Variants in PLCH1 observed in about 807,000 individuals in gnomAD.
PLCH1 encodes 1-phosphatidylinositol 4,5-bisphosphate phosphodiesterase eta-1.
In PLCH1, 60 loss-of-function variants were observed where a neutral mutation model predicts 126.7. That is an observed-to-expected ratio of 0.47 (90% CI 0.38 to 0.59). PLCH1 has a LOEUF of 0.59. Ranked by LOEUF, PLCH1 falls within the 20% of genes least tolerant of loss-of-function variation. PLCH1 has a pLI of 0.00. For missense variants in PLCH1, 1,723 were observed against 2,040.0 expected, an observed-to-expected ratio of 0.84 and a Z score of 2.99; for synonymous variants, 719 against 734.9, an observed-to-expected ratio of 0.98 and a Z score of 0.35.
chr3:155,533,099 A>G (rs1184331030), intron 10 of PLCH1, among the ~76,000 whole-genome samples: 2 of 152,372 alleles, frequency 1.3e-5, no homozygotes, highest in African/African-American at 4.8e-5. Context: ...CAGTCTTGCT[A>G]TGCTTTAGCA....
intron 2 of PLCH1, among the ~76,000 whole-genome samples, chr3:155,698,998 T>C (rs1221431951): frequency 6.6e-6 from 1 of 151,936 alleles, no homozygotes; most frequent in Non-Finnish European, 1.5e-5. Flanking sequence ...TTTTTTTTTT[T>C]TTTAACTCTT....
chr3:155,493,629 G>A (rs143209918), intron 17 of PLCH1, among the ~76,000 whole-genome samples: 2,193 of 152,196 alleles, frequency 0.014, 54 homozygotes, highest in African/African-American at 0.05. Context: ...CAGGTGATCC[G>A]CCCACCTTGA....
In PLCH1 at chr3:155,479,947, A is replaced by AT. The variant is rs1284498421; in HGVS notation, c.*1020_*1021insA. On this transcript the variant is annotated 3_prime_UTR_variant, in exon 23 of 23. Transcript: ENST00000460012. Reference sequence around the variant, plus strand: ...GAAGAACATCATTGCAGTTAATGTTACAAAAAAAAAAAACAAAGAGGGACA... The same window carrying AT: ...GAAGAACATCATTGCAGTTAATGTTATCAAAAAAAAAAAACAAAGAGGGACA... The AT allele has an allele frequency of 2.7e-5, 4 of 149,042 alleles. No homozygotes were observed. The highest frequency in any genetic ancestry group is 9.8e-5 in the African/African-American group (4 of 40,690). The allele number at this position is 149,042 out of a possible 1,614,324, so 9.2% of individuals were successfully genotyped here.
intron 1 of PLCH1, among the ~76,000 whole-genome samples, chr3:155,741,242 T>G (rs1034930193): frequency 6.6e-6 from 1 of 152,214 alleles, no homozygotes; most frequent in Non-Finnish European, 1.5e-5. Context: ...ATGATTTTCC[T>G]TGTGACCAAA....
At chr3:155,521,973 C>T (rs1560105595) in intron 11 of PLCH1, among the ~76,000 whole-genome samples, 1 of 152,180 alleles carries the variant, frequency 6.6e-6, no homozygotes, top group Non-Finnish European at 1.5e-5. Context: ...TTCCAGAAAT[C>T]AACTACTCTT....
chr3:155,703,233 A>C (rs1364626308), intron 2 of PLCH1, among the ~76,000 whole-genome samples: 3 of 152,238 alleles, frequency 2.0e-5, no homozygotes, highest in Non-Finnish European at 4.4e-5. Context: ...AATAAACATT[A>C]AGTCTGTCAT....
intron 2 of PLCH1, among the ~76,000 whole-genome samples, chr3:155,639,009 A>G (rs574776077): frequency 1.3e-5 from 2 of 152,342 alleles, no homozygotes; most frequent in East Asian, 1.9e-4. Context: ...TATACTATAT[A>G]TAATTATATT....
intron 2 of PLCH1, among the ~76,000 whole-genome samples, chr3:155,606,261 T>C (rs534443350): frequency 5.9e-5 from 9 of 152,158 alleles, no homozygotes; most frequent in Non-Finnish European, 1.0e-4. Context: ...GGACCTAAGG[T>C]AATTTCTGAC....
intron 2 of PLCH1, among the ~76,000 whole-genome samples, chr3:155,680,051 G>A (rs1353983091): frequency 6.6e-6 from 1 of 152,012 alleles, no homozygotes; most frequent in Admixed American, 6.6e-5. Context: ...AGTGTCTCTG[G>A]CATAGAAACA....
chr3:155,716,163 T>A (rs898373794), intron 1 of PLCH1, among the ~76,000 whole-genome samples: 1 of 152,234 alleles, frequency 6.6e-6, no homozygotes, highest in Non-Finnish European at 1.5e-5. Flanking sequence ...CATAGTAATC[T>A]TTTGGTTATA....
chr3:155,567,488 G>A (rs1728675008), intron 7 of PLCH1, among the ~76,000 whole-genome samples: 1 of 152,118 alleles, frequency 6.6e-6, no homozygotes, highest in Non-Finnish European at 1.5e-5. Flanking sequence ...AGAAATGAGG[G>A]GGCCAACGGT....
At chr3:155,504,730 C>T in intron 12 of PLCH1, 104 bp from the exon 13 acceptor site, 1 of 716,146 alleles carries the variant, frequency 1.4e-6, no homozygotes. Context: ...CTTCTGTTTG[C>T]CTCTAGGTGA....
At chr3:155,743,134 C>G (rs1307035301) in intron 1 of PLCH1, 1 of 334,548 alleles carries the variant, frequency 3.0e-6, no homozygotes, top group Admixed American at 4.4e-5. Context: ...TTCTACATAC[C>G]CCTTAAGATG....
chr3:155,578,642 A>C (rs973809253), intron 6 of PLCH1, among the ~76,000 whole-genome samples: 1 of 152,208 alleles, frequency 6.6e-6, no homozygotes, highest in Admixed American at 6.5e-5. Flanking sequence ...TGGAACAAAG[A>C]CCAAATGTAT....
chr3:155,452,505 T>A (rs78213548), intron 21 of PLCH1, among the ~76,000 whole-genome samples: 1 of 152,274 alleles, frequency 6.6e-6, no homozygotes, highest in East Asian at 1.9e-4. Context: ...GAGTCTAATC[T>A]GATTGGATTT....
At chr3:155,530,357 G>A (rs1478014325) in intron 10 of PLCH1, among the ~76,000 whole-genome samples, 5 of 144,936 alleles carry the variant, frequency 3.4e-5, no homozygotes, top group Admixed American at 1.4e-4. Context: ...ATGGAGTCTC[G>A]CTCTGTCGCC....
At chr3:155,577,328 A>T (rs1235575362) in intron 6 of PLCH1, among the ~76,000 whole-genome samples, 1 of 151,970 alleles carries the variant, frequency 6.6e-6, no homozygotes, top group African/African-American at 2.4e-5. Context: ...TCATAGGTTT[A>T]TTGACTTTGT....
At position 155,662,825 on chromosome 3, in the gene PLCH1, G is replaced by A. The variant is rs574023177; in HGVS notation, c.79+41321C>T. 2.5e-4 allele frequency among the ~76,000 whole-genome samples: 38 copies of A among 152,008 alleles called. No individual in the cohort carries two copies. In the East Asian group the frequency reaches 6.0e-3, roughly 24 times the overall value. On this transcript the variant is annotated intron_variant, in intron 2 of 22. Coordinates refer to ENST00000460012, the MANE Select transcript of PLCH1 (RefSeq NM_014996.4). ...ATTACAGGCGACAACCACCACGCCC[G>A]GCTACTTTTTGTATTTTTAGTAGAG...
chr3:155,492,911 C>T (rs771984593), intron 17 of PLCH1, 58 bp from the exon 18 acceptor site: 314 of 1,377,266 alleles, frequency 2.3e-4, no homozygotes, highest in Non-Finnish European at 2.9e-4. Context: ...GCATGCACAG[C>T]TTAAGCTTGT....
Sources: gnomAD v4.1 joint callset for allele counts (sites outside exome capture counted in the v4.1 genomes callset) on GRCh38, gnomAD v4.1.1 for gene constraint, MANE v1.5 for transcripts, NCBI Gene and HGNC (gene_info 2026-07-23, HGNC 2026-07-21) for gene names.